Variants in VPS13A observed in about 807,000 individuals in gnomAD.
VPS13A encodes the protein intermembrane lipid transfer protein VPS13A.
In VPS13A, 264 loss-of-function variants were observed where a neutral mutation model predicts 390.9. The observed-to-expected ratio is 0.68, with a 90% CI of 0.61 to 0.75. The LOEUF (loss-of-function observed/expected upper bound fraction) is 0.75, where lower values mean the gene tolerates loss of function less well. Among genes scored for constraint, VPS13A ranks in the 30% least tolerant of loss-of-function variants. The pLI is 0.00. For synonymous variants in VPS13A, 1,231 were observed against 1,227.1 expected, an observed-to-expected ratio of 1.00 and a Z score of -0.07; for missense variants, 3,409 against 3,733.9, an observed-to-expected ratio of 0.91 and a Z score of 2.27.
intron 65 of VPS13A, 96 bp from the exon 66 acceptor site, chr9:77,370,792 TAA>T: frequency 6.6e-7 from 1 of 1,523,150 alleles, no homozygotes; most frequent in Non-Finnish European, 9.1e-7. Context: ...TTATGCTATA[TAA>T]AAAGCAGAAC....
chr9:77,417,074 G>A lies in VPS13A; in HGVS notation c.*1068G>A, dbSNP rs1362693628. 2 of 152,170 alleles carry A rather than the reference G, an allele frequency of 1.3e-5. No homozygotes were observed. Among genetic ancestry groups the A allele is most frequent in the African/African-American group, 2.4e-5 (1 of 41,416 alleles). The allele number at this position is 152,170 out of a possible 1,614,324, so 9.4% of individuals were successfully genotyped here. On this transcript the variant is annotated 3_prime_UTR_variant, in exon 72 of 72. Coordinates refer to ENST00000360280, the MANE Select transcript of VPS13A (RefSeq NM_033305.3). ...TATACATTAGTAAAAATAAGGACATGAGGTTTTCTTTCTTGGTTTTTGTCC... is the reference window on the plus strand; with the variant it reads ...TATACATTAGTAAAAATAAGGACATAAGGTTTTCTTTCTTGGTTTTTGTCC...
chr9:77,223,671 A>G (rs908981855), intron 13 of VPS13A, among the ~76,000 whole-genome samples: 4 of 152,014 alleles, frequency 2.6e-5, no homozygotes, highest in Non-Finnish European at 4.4e-5. Context: ...AAGTTTGAAG[A>G]TAGCAGAGAT....
chr9:77,323,348 T>G (rs1429986701), intron 45 of VPS13A, 121 bp downstream of exon 45: 21 of 1,189,610 alleles, frequency 1.8e-5, no homozygotes, highest in Non-Finnish European at 2.2e-5. Flanking sequence ...ATACAGCTGA[T>G]ATCAAAAAGA....
chr9:77,250,151 C>G lies in VPS13A; in HGVS notation c.2092C>G (p.Leu698Val). 1.2e-6 allele frequency: 2 copies of G among 1,613,874 alleles called. No individual in the cohort carries two copies. The highest frequency in any genetic ancestry group is 1.7e-6 in the Non-Finnish European group (2 of 1,179,932). ...LPDVKQGEAN[L>V]KEIMDRAYDS... is the part of the protein sequence containing the mutation. ...AGATGTGAAACAAGGTGAGGCCAAT[C>G]TTAAAGAGATAATGGATAGAGCTTA... The change falls in exon 21 of 72, where the codon CTT (leucine) becomes GTT (valine). Residue 698 changes from leucine to valine, a missense_variant. Physicochemically the swap from Leu to Val is conservative, Grantham distance 32 (BLOSUM62 1). Around this residue, in one of 5 missense-constraint regions of VPS13A, gnomAD observed 2,717 missense variants for 2,917.4 expected, o/e 0.93. Coordinates refer to ENST00000360280, the MANE Select transcript of VPS13A (RefSeq NM_033305.3).
chr9:77,277,383 C>T (rs2131335511), intron 26 of VPS13A, among the ~76,000 whole-genome samples: 1 of 152,304 alleles, frequency 6.6e-6, no homozygotes, highest in South Asian at 2.1e-4. Context: ...TCAACATCCT[C>T]CACTAGAGTG....
chr9:77,379,866 G>A (rs1257864463), intron 67 of VPS13A, among the ~76,000 whole-genome samples: 2 of 152,138 alleles, frequency 1.3e-5, no homozygotes, highest in African/African-American at 4.8e-5. Context: ...GTTGGGTCTA[G>A]TGGATTATAG....
intron 17 of VPS13A, among the ~76,000 whole-genome samples, chr9:77,230,297 T>C (rs1823753836): frequency 6.6e-6 from 1 of 152,088 alleles, no homozygotes; most frequent in South Asian, 2.1e-4. Flanking sequence ...TCAGAAATCT[T>C]TGCCTACTCC....
intron 3 of VPS13A, 73 bp from the exon 4 acceptor site, chr9:77,205,240 A>G: frequency 1.2e-6 from 1 of 816,666 alleles, no homozygotes; most frequent in Non-Finnish European, 1.9e-6. Flanking sequence ...CCTGACAGAA[A>G]ATAGACTAAC....
chr9:77,295,459 G>T (rs1374212285), intron 32 of VPS13A, 83 bp from the exon 33 acceptor site: 2 of 1,202,390 alleles, frequency 1.7e-6, no homozygotes, highest in Non-Finnish European at 2.2e-6. Context: ...TTTTTAAATG[G>T]AGGTAAAACC....
At chr9:77,360,714 TA>T in intron 59 of VPS13A, 73 bp downstream of exon 59, 1 of 1,158,440 alleles carries the variant, frequency 8.6e-7, no homozygotes, top group East Asian at 2.5e-5. Flanking sequence ...TTAAAGGTAT[TA>T]AAATGACTTT....
intron 68 of VPS13A, among the ~76,000 whole-genome samples, chr9:77,396,449 A>G (rs879785965): frequency 5.3e-5 from 8 of 152,208 alleles, no homozygotes; most frequent in African/African-American, 9.6e-5. Context: ...TATAGTCAGT[A>G]AGATTTTATT....
At chr9:77,350,619 A>G (rs938962106) in intron 52 of VPS13A, among the ~76,000 whole-genome samples, 17 of 152,194 alleles carry the variant, frequency 1.1e-4, no homozygotes, top group African/African-American at 4.1e-4. Context: ...ATTAAACATC[A>G]TTGAACTGTG....
chr9:77,268,738 G>A (rs1410217113), intron 23 of VPS13A, among the ~76,000 whole-genome samples: 1 of 151,988 alleles, frequency 6.6e-6, no homozygotes, highest in Non-Finnish European at 1.5e-5. Context: ...TTAGGAGTTC[G>A]AGACCAGCCT....
chr9:77,194,354 T>C (rs1824861157), intron 1 of VPS13A, among the ~76,000 whole-genome samples: 1 of 136,486 alleles, frequency 7.3e-6, no homozygotes, highest in African/African-American at 2.8e-5. Flanking sequence ...CAACCAGGGA[T>C]GGGGGTTGGG....
In VPS13A at chr9:77,321,260, A is replaced by T; in HGVS notation, c.5507A>T (p.His1836Leu). The T allele has an allele frequency of 6.2e-7, 1 of 1,611,444 alleles. No individual in the cohort carries two copies. The highest frequency in any genetic ancestry group is 2.2e-5 in the East Asian group (1 of 44,720). ...GAATATAAAACTGTCATCAGTTTCCATTCAAAAGACCAATTAAACATTACA... is the reference window on the plus strand; with the variant it reads ...GAATATAAAACTGTCATCAGTTTCCTTTCAAAAGACCAATTAAACATTACA... ...VPEYKTVISF[H>L]SKDQLNITLS... is the part of the protein sequence containing the mutation. The change falls in exon 43 of 72, where the codon CAT (histidine) becomes CTT (leucine). Residue 1836 changes from histidine (H) to leucine (L), a missense_variant. This residue lies in a region of VPS13A where 2,717 missense variants were observed against 2,917.4 expected (regional missense o/e 0.93). Coordinates refer to ENST00000360280, the MANE Select transcript of VPS13A (RefSeq NM_033305.3).
intron 46 of VPS13A, 111 bp downstream of exon 46, chr9:77,332,224 C>T (rs79075469): frequency 1.8e-5 from 15 of 825,260 alleles, no homozygotes; most frequent in Admixed American, 7.6e-5. Context: ...GCTTATCTAA[C>T]GTATTTAGGT....
rs776718103 is a variant in VPS13A, at chr9:77,371,086, C to T, written c.9014C>T (p.Ala3005Val). The T allele has an allele frequency of 8.1e-6, 13 of 1,613,906 alleles. No individual in the cohort carries two copies. In the Admixed American group the frequency reaches 8.3e-5, roughly 10 times the overall value. The change falls in exon 67 of 72, where the codon GCG becomes GTG. Residue 3005 changes from alanine to valine, a missense_variant. By Grantham distance (64) the Ala-to-Val change is moderately conservative. This residue lies in a region of VPS13A where 318 missense variants were observed against 333.7 expected (regional missense o/e 0.95). Transcript: ENST00000360280. Reference protein sequence around the residue: ...FKGVGKGLVGAVARPTGGIID... With the variant: ...FKGVGKGLVGVVARPTGGIID... Reference sequence around the variant, plus strand: ...GGTGTTGGGAAAGGTTTAGTAGGAGCGGTAGCAAGGCCAACTGGAGGCATC... The same window carrying T: ...GGTGTTGGGAAAGGTTTAGTAGGAGTGGTAGCAAGGCCAACTGGAGGCATC...
intron 52 of VPS13A, among the ~76,000 whole-genome samples, chr9:77,350,536 C>G (rs1365478138): frequency 1.3e-5 from 2 of 152,056 alleles, no homozygotes; most frequent in African/African-American, 4.8e-5. Flanking sequence ...AAATTTATGA[C>G]AATTTGACAT....
chr9:77,205,379 A>C lies in VPS13A; in HGVS notation c.254A>C (p.Glu85Ala). ...CAACCTGTTGAAGCCGTATTGGAAG[A>C]AATTTATTTACTTATAGTGCCTTCT... ...YTQPVEAVLE[E>A]IYLLIVPSSR... The change falls in exon 4 of 72, where the codon GAA (glutamate) becomes GCA (alanine). Residue 85 changes from glutamate (E) to alanine (A), a missense_variant. Glu to Ala is a moderately radical substitution (Grantham distance 107). Coordinates refer to ENST00000360280, the MANE Select transcript of VPS13A (RefSeq NM_033305.3). 6.8e-7 allele frequency: 1 copy of C among 1,475,552 alleles called. No individual in the cohort carries two copies. The allele number at this position is 1,475,552 out of a possible 1,614,324, so 91.4% of individuals were successfully genotyped here.
Sources: gnomAD v4.1 joint callset for allele counts (sites outside exome capture counted in the v4.1 genomes callset) on GRCh38, gnomAD v4.1.1 for gene constraint, gnomAD v4.1.1 regional missense constraint, MANE v1.5 for transcripts, NCBI Gene and HGNC (gene_info 2026-07-23, HGNC 2026-07-21) for gene names.